The following RNF138 variants were observed in gnomAD, a reference collection of about 807,000 sequenced individuals.
RNF138 encodes the protein ring finger protein 138, also known as E3 ubiquitin-protein ligase RNF138.
RNF138 carries 12 observed loss-of-function variants against 31.0 expected under a neutral mutation model. The observed-to-expected ratio is 0.39, with a 90% CI of 0.25 to 0.63. The LOEUF (loss-of-function observed/expected upper bound fraction) is 0.63, where lower values mean the gene tolerates loss of function less well. Ranked by LOEUF, RNF138 falls within the 20% of genes least tolerant of loss-of-function variation. The pLI, the probability that RNF138 is intolerant of heterozygous loss-of-function variation, is 0.52. For synonymous variants in RNF138, 105 were observed against 99.5 expected (o/e 1.06, Z -0.33); for missense variants, 192 against 300.1 (o/e 0.64, Z 2.66).
rs116246988 is a variant in RNF138 at position 32,106,063 on chromosome 18, A to G, written c.111-5691A>G. ...TTTCTCCTTTCCCTTGTGCATTTTA[A>G]ATTTATTTCCATAATTTAACAGCTT... On this transcript the variant is annotated intron_variant, in intron 2 of 7. Transcript: ENST00000261593. 7.2e-3 allele frequency among the ~76,000 whole-genome samples: 1,102 copies of G among 152,244 alleles called. 19 individuals carry two copies. Among genetic ancestry groups the G allele is most frequent in the African/African-American group, 0.025 (1,054 of 41,538 alleles).
At chr18:32,113,689 T>C (rs1313876994) in intron 3 of RNF138, 56 bp from the exon 4 acceptor site, 2 of 790,996 alleles carry the variant, frequency 2.5e-6, no homozygotes, top group East Asian at 6.0e-5. Flanking sequence ...CTTTACACTA[T>C]TTCAAATCTT....
chr18:32,126,886 C>T, intron 7 of RNF138, 86 bp downstream of exon 7: 1 of 798,666 alleles, frequency 1.3e-6, no homozygotes, highest in Non-Finnish European at 2.1e-6. Context: ...AATTTTGTGG[C>T]AAGCTGTTGT....
chr18:32,128,813 G>A (rs2040425834), intron 7 of RNF138, among the ~76,000 whole-genome samples: 1 of 152,058 alleles, frequency 6.6e-6, no homozygotes, highest in Non-Finnish European at 1.5e-5. Flanking sequence ...CAGCTTTCCA[G>A]TTAACCATAT....
chr18:32,099,248 C>T (rs1170919413), intron 2 of RNF138, among the ~76,000 whole-genome samples: 1 of 152,034 alleles, frequency 6.6e-6, no homozygotes, highest in Admixed American at 6.6e-5. Context: ...CTTTTTCCTT[C>T]CTACTTCTGC....
At chr18:32,109,016 G>T (rs1260924521) in intron 2 of RNF138, among the ~76,000 whole-genome samples, 1 of 152,004 alleles carries the variant, frequency 6.6e-6, no homozygotes, top group Non-Finnish European at 1.5e-5. Context: ...GAATTTATGC[G>T]CTCTAATGGA....
chr18:32,103,410 C>G (rs1050533708), intron 2 of RNF138, among the ~76,000 whole-genome samples: 2 of 151,998 alleles, frequency 1.3e-5, no homozygotes, highest in Admixed American at 1.3e-4. Flanking sequence ...CCAGGCTGGT[C>G]TTGAACTCCT....
chr18:32,094,133 T>TA, intron 2 of RNF138, among the ~76,000 whole-genome samples: 1 of 152,310 alleles, frequency 6.6e-6, no homozygotes, highest in Non-Finnish European at 1.5e-5. Flanking sequence ...GCTTGAAAGT[T>TA]ACGTGTGTTT....
intron 1 of RNF138, among the ~76,000 whole-genome samples, chr18:32,092,447 G>A (rs940403218): frequency 6.6e-6 from 1 of 151,870 alleles, no homozygotes; most frequent in African/African-American, 2.4e-5. Flanking sequence ...GGCCTAGAGC[G>A]TGAGGCCGCG....
chr18:32,101,219 T>C (rs1416784263), intron 2 of RNF138, among the ~76,000 whole-genome samples: 1 of 150,876 alleles, frequency 6.6e-6, no homozygotes, highest in Non-Finnish European at 1.5e-5. Flanking sequence ...GGTTTCTTTT[T>C]TTTTTTTTTT....
At chr18:32,122,713 A>G (rs1282440569) in intron 4 of RNF138, among the ~76,000 whole-genome samples, 1 of 152,114 alleles carries the variant, frequency 6.6e-6, no homozygotes, top group Non-Finnish European at 1.5e-5. Context: ...AATCCCAGCT[A>G]CTTGGGAGGC....
intron 2 of RNF138, among the ~76,000 whole-genome samples, chr18:32,107,707 C>CG (rs1231500163): frequency 6.7e-6 from 1 of 149,358 alleles, no homozygotes; most frequent in Non-Finnish European, 1.5e-5. Flanking sequence ...TTAGTCAAGA[C>CG]GGGGTTTCAC....
intron 4 of RNF138, among the ~76,000 whole-genome samples, chr18:32,115,724 G>A (rs528194796): frequency 5.3e-5 from 8 of 152,198 alleles, no homozygotes; most frequent in East Asian, 3.9e-4. Flanking sequence ...TAGCCTGGGC[G>A]ACAGAGTCAG....
At chr18:32,102,058 T>C (rs879605839) in intron 2 of RNF138, among the ~76,000 whole-genome samples, 10 of 149,316 alleles carry the variant, frequency 6.7e-5, no homozygotes, top group Non-Finnish European at 1.5e-4. Context: ...TTTTTTTTTT[T>C]CTTCAGTAGA....
At chr18:32,122,530 T>C (rs191475532) in intron 4 of RNF138, 4 of 152,180 alleles carry the variant, frequency 2.6e-5, no homozygotes, top group African/African-American at 9.6e-5. Flanking sequence ...TTTTATAAAA[T>C]TGAGCACATT....
intron 2 of RNF138, among the ~76,000 whole-genome samples, chr18:32,098,831 C>A (rs1489428838): frequency 1.4e-5 from 2 of 142,728 alleles, no homozygotes; most frequent in African/African-American, 2.6e-5. Context: ...CCAGCCCGGG[C>A]GACAGAGTGA....
At chr18:32,093,186 TCCCTGCGGCGTCTTCAGGCCCCGGAGGC>T (rs1172114948) in intron 2 of RNF138, among the ~76,000 whole-genome samples, 5 of 151,730 alleles carry the variant, frequency 3.3e-5, no homozygotes, top group Non-Finnish European at 7.4e-5. Context: ...GCCAGGCCGT[TCCCTGCGGCGTCTTCAGGCCCCGGAGGC>T]CCCTGTCGTC....
chr18:32,092,316 G>C (rs754280275), intron 1 of RNF138, 81 bp downstream of exon 1: 1 of 155,822 alleles, frequency 6.4e-6, no homozygotes, highest in Non-Finnish European at 1.4e-5. Context: ...ACACGGGCTG[G>C]GCACTCGGGG....
At chr18:32,118,973 T>C (rs1568237746) in intron 4 of RNF138, among the ~76,000 whole-genome samples, 1 of 152,262 alleles carries the variant, frequency 6.6e-6, no homozygotes, top group Non-Finnish European at 1.5e-5. Context: ...TTAATTTTCT[T>C]TTTATATCAT....
chr18:32,126,556 C>G (rs1426192466), intron 6 of RNF138, 137 bp from the exon 7 acceptor site: 2 of 534,112 alleles, frequency 3.7e-6, no homozygotes, highest in Non-Finnish European at 6.7e-6. Flanking sequence ...ATGATCTAGT[C>G]ATGGAACTTG....
Sources: gnomAD v4.1 joint callset for allele counts (sites outside exome capture counted in the v4.1 genomes callset) on GRCh38, gnomAD v4.1.1 for gene constraint, MANE v1.5 for transcripts, NCBI Gene and HGNC (gene_info 2026-07-23, HGNC 2026-07-21) for gene names.